The following HTR7 variants were observed in gnomAD, a reference collection of about 807,000 sequenced individuals.
HTR7 encodes 5-hydroxytryptamine receptor 7.
In HTR7, 16 loss-of-function variants were observed where a neutral mutation model predicts 34.0. That is an observed-to-expected ratio of 0.47 (90% CI 0.32 to 0.71). HTR7 has a LOEUF of 0.71. HTR7 is among the 30% of genes least tolerant of loss of function. The pLI, the probability that HTR7 is intolerant of heterozygous loss-of-function variation, is 0.04. For synonymous variants in HTR7, 265 were observed against 260.2 expected, an observed-to-expected ratio of 1.02 and a Z score of -0.18; for missense variants, 504 against 625.5, an observed-to-expected ratio of 0.81 and a Z score of 2.07.
intron 1 of HTR7, among the ~76,000 whole-genome samples, chr10:90,770,437 G>A (rs1042141105): frequency 6.6e-6 from 1 of 152,148 alleles, no homozygotes; most frequent in Non-Finnish European, 1.5e-5. Flanking sequence ...AGAGGGCGGG[G>A]CTCCCACCCT....
At chr10:90,764,883 T>C (rs11817665) in intron 1 of HTR7, among the ~76,000 whole-genome samples, 35,178 of 152,030 alleles carry the variant, frequency 0.23, 4,331 homozygotes, top group African/African-American at 0.32. Context: ...GCTAATGTGG[T>C]GTATCATATT....
intron 1 of HTR7, among the ~76,000 whole-genome samples, chr10:90,767,230 G>A (rs10159919): frequency 0.024 from 3,585 of 152,280 alleles, 137 homozygotes; most frequent in African/African-American, 0.083. Flanking sequence ...GTTGCTGGCT[G>A]AGCTCCCTGG....
At chr10:90,806,595 T>C (rs962861678) in intron 1 of HTR7, among the ~76,000 whole-genome samples, 7 of 150,402 alleles carry the variant, frequency 4.7e-5, no homozygotes, top group African/African-American at 7.4e-5. Flanking sequence ...CGAGACTCCA[T>C]CTCAAAAAAA....
intron 1 of HTR7, among the ~76,000 whole-genome samples, chr10:90,774,103 G>A (rs747829463): frequency 5.3e-5 from 8 of 152,000 alleles, no homozygotes; most frequent in Admixed American, 2.0e-4. Flanking sequence ...CAAACATAAT[G>A]GCTCACTGAA....
chr10:90,762,946 T>C (rs1462186752), intron 1 of HTR7, among the ~76,000 whole-genome samples: 1 of 152,232 alleles, frequency 6.6e-6, no homozygotes, highest in African/African-American at 2.4e-5. Flanking sequence ...TGACCGTGTA[T>C]GTGGAGGTTT....
chr10:90,761,662 GT>G (rs1388991603), intron 1 of HTR7, among the ~76,000 whole-genome samples: 2 of 150,870 alleles, frequency 1.3e-5, no homozygotes, highest in South Asian at 2.1e-4. Flanking sequence ...GTGTGTGTGT[GT>G]GGTGAGGTTT....
chr10:90,774,866 C>A (rs1394609895), intron 1 of HTR7, among the ~76,000 whole-genome samples: 1 of 152,120 alleles, frequency 6.6e-6, no homozygotes, highest in Non-Finnish European at 1.5e-5. Context: ...CCACTCATAG[C>A]GCAGTGGTAA....
intron 1 of HTR7, among the ~76,000 whole-genome samples, chr10:90,807,774 T>C (rs921502502): frequency 1.3e-5 from 2 of 152,204 alleles, no homozygotes; most frequent in African/African-American, 2.4e-5. Flanking sequence ...GGACCTCCCT[T>C]GGGAGATCAA....
chr10:90,819,337 A>T (rs1438463560), intron 1 of HTR7, among the ~76,000 whole-genome samples: 2 of 152,136 alleles, frequency 1.3e-5, no homozygotes, highest in African/African-American at 4.8e-5. Flanking sequence ...AAAACTTTTT[A>T]AAAATATATA....
At chr10:90,813,124 C>A (rs896404705) in intron 1 of HTR7, among the ~76,000 whole-genome samples, 1 of 152,048 alleles carries the variant, frequency 6.6e-6, no homozygotes, top group Non-Finnish European at 1.5e-5. Context: ...CTACCCAAAT[C>A]TTATAAAACG....
rs745415670 is a variant in HTR7 at position 90,743,666 on chromosome 10, C to A, written c.1320G>T (p.Leu440=). The A allele has an allele frequency of 4.3e-6, 7 of 1,613,858 alleles. No homozygotes were observed. The South Asian group carries it at 7.7e-5, about 18-fold the overall frequency. The change falls in exon 3 of 4, where the codon CTG becomes CTT. Residue 440 remains leucine, a synonymous_variant. Coordinates refer to ENST00000336152, the MANE Select transcript of HTR7 (RefSeq NM_019859.4). ...FVLRACTRRV[L]LRPEKRPPVS... ...CCGGTGGCCTCTTTTCTGGTCTCAA[C>A]AGCACCCTCCTTGTGCAGGCCCTCC...
intron 1 of HTR7, among the ~76,000 whole-genome samples, chr10:90,786,421 G>A (rs982971202): frequency 6.6e-6 from 1 of 152,214 alleles, no homozygotes; most frequent in African/African-American, 2.4e-5. Context: ...GAAGCCAGAT[G>A]TGGTGCCTGA....
At chr10:90,768,692 G>C (rs995389212) in intron 1 of HTR7, among the ~76,000 whole-genome samples, 1 of 152,116 alleles carries the variant, frequency 6.6e-6, no homozygotes, top group African/African-American at 2.4e-5. Context: ...GTGGGACTTT[G>C]CCATCATTCA....
In HTR7 at chr10:90,792,416, A is replaced by T. The variant is rs182035892; in HGVS notation, c.540-42822T>A. ...TTTGGCTGCAGCTATACCAGCAGGA[A>T]TTAATCATAATTCTTGATTTATAGC... On this transcript the variant is annotated intron_variant, in intron 1 of 3. Transcript: ENST00000336152. Among the ~76,000 whole-genome samples, 237 of 152,186 alleles carry T rather than the reference A, an allele frequency of 1.6e-3. 1 individual carries two copies. Among genetic ancestry groups the T allele is most frequent in the Non-Finnish European group, 2.6e-3 (174 of 67,952 alleles).
intron 1 of HTR7, among the ~76,000 whole-genome samples, chr10:90,850,219 A>T (rs1200117274): frequency 6.6e-6 from 1 of 152,250 alleles, no homozygotes; most frequent in Non-Finnish European, 1.5e-5. Context: ...GCCATGCTTG[A>T]TAGTCTTACA....
chr10:90,844,288 T>G (rs962702523), intron 1 of HTR7, among the ~76,000 whole-genome samples: 5 of 152,332 alleles, frequency 3.3e-5, no homozygotes, highest in Admixed American at 1.3e-4. Context: ...TCAAAAAATA[T>G]GGATGCATGA....
intron 2 of HTR7, 26 bp downstream of exon 2, chr10:90,748,813 A>G: frequency 6.3e-7 from 1 of 1,578,944 alleles, no homozygotes; most frequent in Non-Finnish European, 8.6e-7. Context: ...GGGGGATAAA[A>G]GGAAAATAGT....
chr10:90,805,046 C>T (rs1050712206), intron 1 of HTR7, among the ~76,000 whole-genome samples: 1 of 152,200 alleles, frequency 6.6e-6, no homozygotes, highest in Non-Finnish European at 1.5e-5. Context: ...TTTTATATTG[C>T]ATTACCTGGT....
intron 1 of HTR7, among the ~76,000 whole-genome samples, chr10:90,791,413 T>C (rs144335266): frequency 1.3e-5 from 2 of 152,212 alleles, no homozygotes; most frequent in African/African-American, 4.8e-5. Context: ...GATAACCTAA[T>C]ACTGAAGTTG....
Sources: gnomAD v4.1 joint callset for allele counts (sites outside exome capture counted in the v4.1 genomes callset) on GRCh38, gnomAD v4.1.1 for gene constraint, MANE v1.5 for transcripts, NCBI Gene and HGNC (gene_info 2026-07-23, HGNC 2026-07-21) for gene names.